The following AP3M2 variants were observed in gnomAD, a reference collection of about 807,000 sequenced individuals.
AP3M2 encodes AP-3 complex subunit mu-2.
Under a neutral mutation model 41.6 loss-of-function variants are expected in AP3M2, and 28 were observed. The observed-to-expected ratio is 0.67, with a 90% CI of 0.50 to 0.92. AP3M2 has a LOEUF of 0.92. AP3M2 is among the 40% of genes least tolerant of loss of function. AP3M2 has a pLI of 0.00. For synonymous variants in AP3M2, 193 were observed against 186.4 expected (o/e 1.04, Z -0.29); for missense variants, 427 against 521.4 (o/e 0.82, Z 1.76).
At chr8:42,159,305 G>A (rs2150958108) in intron 3 of AP3M2, among the ~76,000 whole-genome samples, 2 of 152,308 alleles carry the variant, frequency 1.3e-5, no homozygotes, top group Middle Eastern at 6.8e-3. Flanking sequence ...TTTAAGTACT[G>A]TAATGTGTTG....
chr8:42,156,487 T>C (rs528953646), intron 2 of AP3M2, among the ~76,000 whole-genome samples: 1 of 152,290 alleles, frequency 6.6e-6, no homozygotes, highest in Non-Finnish European at 1.5e-5. Context: ...CACTTGGCTG[T>C]ATTGCGAGGC....
At chr8:42,165,188 G>A (rs1226062843) in intron 5 of AP3M2, 32 bp downstream of exon 5, 1 of 1,594,396 alleles carries the variant, frequency 6.3e-7, no homozygotes, top group Admixed American at 1.7e-5. Context: ...TAAGTTCTTG[G>A]GATGAGAAAT....
chr8:42,166,330 A>G (rs1401596013), intron 6 of AP3M2, among the ~76,000 whole-genome samples: 1 of 152,188 alleles, frequency 6.6e-6, no homozygotes, highest in Non-Finnish European at 1.5e-5. Flanking sequence ...TTAAATGGAT[A>G]GAAACCATTT....
At chr8:42,154,514 T>G in intron 1 of AP3M2, 102 bp from the exon 2 acceptor site, 1 of 859,568 alleles carries the variant, frequency 1.2e-6, no homozygotes. Flanking sequence ...GAGGGGAAGA[T>G]TGGGCCTGGT....
At chr8:42,166,614 A>C (rs1250667866) in intron 6 of AP3M2, among the ~76,000 whole-genome samples, 1 of 151,326 alleles carries the variant, frequency 6.6e-6, no homozygotes, top group Non-Finnish European at 1.5e-5. Context: ...AAAAAAAGTA[A>C]AAATTAGCGG....
chr8:42,155,110 G>T, intron 2 of AP3M2, 150 bp downstream of exon 2: 1 of 698,930 alleles, frequency 1.4e-6, no homozygotes, highest in Non-Finnish European at 2.4e-6. Flanking sequence ...TAAGATTCTG[G>T]TTTCTATTTA....
At chr8:42,162,104 G>A in intron 3 of AP3M2, 177 bp from the exon 4 acceptor site, 1 of 483,768 alleles carries the variant, frequency 2.1e-6, no homozygotes, top group Non-Finnish European at 3.5e-6. Flanking sequence ...TGGCAACAAG[G>A]GGTTTTAAAA....
intron 8 of AP3M2, chr8:42,168,320 T>C (rs3827659): frequency 0.12 from 51,872 of 427,648 alleles, 3,813 homozygotes; most frequent in East Asian, 0.19. Flanking sequence ...GCATTTACCA[T>C]GTTCCAGGCA....
chr8:42,163,986 C>G (rs1000249424), intron 4 of AP3M2, among the ~76,000 whole-genome samples: 4 of 152,088 alleles, frequency 2.6e-5, no homozygotes, highest in African/African-American at 9.7e-5. Flanking sequence ...CTTGATGAGA[C>G]TTGTAGTTTA....
chr8:42,164,102 A>G (rs1328065639), intron 4 of AP3M2, among the ~76,000 whole-genome samples: 1 of 152,254 alleles, frequency 6.6e-6, no homozygotes, highest in Non-Finnish European at 1.5e-5. Context: ...ATAGATGTCC[A>G]TAGTGCAATG....
In AP3M2 at chr8:42,167,339, C is replaced by G; in HGVS notation, c.979C>G (p.Gln327Glu). 6.2e-7 allele frequency: 1 copy of G among 1,614,180 alleles called. No individual in the cohort carries two copies. The highest frequency in any genetic ancestry group is 8.5e-7 in the Non-Finnish European group (1 of 1,180,038). Reference protein sequence around the residue: ...GVLNMSLTPSQGTHTFDPVTK... With the variant: ...GVLNMSLTPSEGTHTFDPVTK... ...CCTGAACATGAGCCTTACTCCATCACAGGGGACACACACATTCGACCCAGT... is the reference window on the plus strand; with the variant it reads ...CCTGAACATGAGCCTTACTCCATCAGAGGGGACACACACATTCGACCCAGT... The change falls in exon 7 of 9, where the codon CAG becomes GAG. Residue 327 changes from glutamine (Q) to glutamate (E), a missense_variant. Physicochemically the swap from Gln to Glu is conservative, Grantham distance 29 (BLOSUM62 2). This residue lies in a region of AP3M2 where 237 missense variants were observed against 284.9 expected (regional missense o/e 0.83). Coordinates refer to ENST00000396926, the MANE Select transcript of AP3M2 (RefSeq NM_006803.4).
rs1315161387 is a variant in AP3M2 at position 42,154,440 on chromosome 8, ACAGT to A, written c.-72-172_-72-169del. Reference sequence around the variant, plus strand: ...AAAGATAACTGGGAGTATATGATTGACAGTCAGATGACTGATCATTATCGTTTCG... The same window carrying A: ...AAAGATAACTGGGAGTATATGATTGACAGATGACTGATCATTATCGTTTCG... On this transcript the variant is annotated intron_variant, in intron 1 of 8. Coordinates refer to ENST00000396926, the MANE Select transcript of AP3M2 (RefSeq NM_006803.4). 10 of 469,784 alleles carry A rather than the reference ACAGT, an allele frequency of 2.1e-5. No individual in the cohort carries two copies. The East Asian group carries it at 2.2e-4, about 10-fold the overall frequency. The allele number at this position is 469,784 out of a possible 1,614,324, so 29.1% of individuals were successfully genotyped here.
chr8:42,153,652 A>T (rs1361529123), intron 1 of AP3M2: 1 of 148,754 alleles, frequency 6.7e-6, no homozygotes, highest in Non-Finnish European at 1.5e-5. Context: ...TCTGTCCCCC[A>T]GGGAAATTTT....
At chr8:42,168,402 T>A (rs1369476317) in intron 8 of AP3M2, among the ~76,000 whole-genome samples, 1 of 152,198 alleles carries the variant, frequency 6.6e-6, no homozygotes, top group Non-Finnish European at 1.5e-5. Context: ...AGGAGATGAC[T>A]TTAGCTTTAT....
intron 1 of AP3M2, 171 bp from the exon 2 acceptor site, chr8:42,154,445 C>T (rs1426013555): frequency 6.0e-6 from 3 of 500,778 alleles, no homozygotes; most frequent in African/African-American, 3.8e-5. Context: ...GATTGACAGT[C>T]AGATGACTGA....
chr8:42,164,721 G>A (rs899673704), intron 4 of AP3M2, among the ~76,000 whole-genome samples: 2 of 152,166 alleles, frequency 1.3e-5, no homozygotes, highest in Admixed American at 1.3e-4. Context: ...GTTTCTGATA[G>A]GAAACTTTCT....
chr8:42,161,591 A>C (rs1466248920), intron 3 of AP3M2, among the ~76,000 whole-genome samples: 2 of 152,260 alleles, frequency 1.3e-5, no homozygotes, highest in Non-Finnish European at 2.9e-5. Flanking sequence ...CCTGGGCGAT[A>C]GAGCGAGACT....
chr8:42,162,096 G>A (rs1804520164), intron 3 of AP3M2, 185 bp from the exon 4 acceptor site: 1 of 457,330 alleles, frequency 2.2e-6, no homozygotes, highest in Non-Finnish European at 3.8e-6. Flanking sequence ...AGACCAGATG[G>A]CAACAAGGGG....
At chr8:42,167,934 A>T (rs1804686468) in intron 8 of AP3M2, 124 bp downstream of exon 8, 11 of 1,226,096 alleles carry the variant, frequency 9.0e-6, no homozygotes, top group Non-Finnish European at 1.3e-5. Context: ...TACCTGATAA[A>T]CAATCTTTAG....
Sources: gnomAD v4.1 joint callset for allele counts (sites outside exome capture counted in the v4.1 genomes callset) on GRCh38, gnomAD v4.1.1 for gene constraint, gnomAD v4.1.1 regional missense constraint, MANE v1.5 for transcripts, NCBI Gene and HGNC (gene_info 2026-07-23, HGNC 2026-07-21) for gene names.